ATG5: variants seen among roughly 807,000 people sequenced by gnomAD.
The protein encoded by ATG5 is autophagy related 5.
A neutral mutation model predicts 36.5 loss-of-function variants in ATG5; 14 were observed. The ratio of observed to expected loss-of-function variants is 0.38; its 90% confidence interval spans 0.25 to 0.60. The LOEUF (loss-of-function observed/expected upper bound fraction) is 0.60. ATG5 is among the 20% of genes least tolerant of loss of function. The pLI, the probability that ATG5 is intolerant of heterozygous loss-of-function variation, is 0.60. For synonymous variants in ATG5, 95 were observed against 101.5 expected (o/e 0.94, Z 0.38); for missense variants, 195 against 326.7 (o/e 0.60, Z 3.11).
At chr6:106,312,720 C>G (rs1050932392) in intron 2 of ATG5, among the ~76,000 whole-genome samples, 5 of 151,704 alleles carry the variant, frequency 3.3e-5, no homozygotes, top group African/African-American at 1.2e-4. Context: ...GCTAACAGGA[C>G]AATGCCACAA....
intron 3 of ATG5, among the ~76,000 whole-genome samples, chr6:106,301,357 T>G (rs921745153): frequency 3.3e-5 from 5 of 152,038 alleles, no homozygotes; most frequent in African/African-American, 7.2e-5. Context: ...TAATTCTAAT[T>G]TGGACAAATT....
rs1417221320 is a variant in ATG5 at position 106,308,549 on chromosome 6, C to T, written c.109-58G>A. On this transcript the variant is annotated intron_variant, in intron 2 of 7. Transcript: ENST00000369076. ...TACTAGTTATTATTTTTAAAAAATA[C>T]TAAGTAGGTTTTTGAATTTTAAGGA... is the stretch of plus-strand genomic sequence containing the variant. 17 of 1,310,644 alleles carry T rather than the reference C, an allele frequency of 1.3e-5. 1 individual carries two copies. Among genetic ancestry groups the T allele is most frequent in the Non-Finnish European group, 1.6e-5 (16 of 990,714 alleles). The allele number at this position is 1,310,644 out of a possible 1,614,324, so 81.2% of individuals were successfully genotyped here.
chr6:106,192,499 C>A (rs1247357725), intron 7 of ATG5, among the ~76,000 whole-genome samples: 1 of 152,082 alleles, frequency 6.6e-6, no homozygotes, highest in Admixed American at 6.5e-5. Flanking sequence ...TTCCTTCTTA[C>A]TATTAATATT....
intron 3 of ATG5, among the ~76,000 whole-genome samples, chr6:106,307,351 C>A (rs1028568853): frequency 2.0e-5 from 3 of 152,062 alleles, no homozygotes; most frequent in African/African-American, 7.2e-5. Flanking sequence ...CAAATGATAG[C>A]ATTTCAACAT....
chr6:106,226,926 A>G (rs1777473453), intron 6 of ATG5, among the ~76,000 whole-genome samples: 1 of 151,994 alleles, frequency 6.6e-6, no homozygotes, highest in Admixed American at 6.6e-5. Flanking sequence ...GAGAGGGAAG[A>G]AGGAAGGAAG....
chr6:106,219,609 T>C (rs905514235), intron 6 of ATG5, among the ~76,000 whole-genome samples: 17 of 152,164 alleles, frequency 1.1e-4, no homozygotes, highest in African/African-American at 3.9e-4. Flanking sequence ...AGGGTATGCA[T>C]AGGTTATATG....
chr6:106,289,179 T>G (rs923221671), intron 4 of ATG5, among the ~76,000 whole-genome samples: 3 of 152,216 alleles, frequency 2.0e-5, no homozygotes, highest in African/African-American at 7.2e-5. Flanking sequence ...TAAACTATTT[T>G]CTACAAACTT....
chr6:106,313,216 A>G (rs1418426437), intron 2 of ATG5, among the ~76,000 whole-genome samples: 1 of 152,128 alleles, frequency 6.6e-6, no homozygotes, highest in Admixed American at 6.5e-5. Flanking sequence ...TGTGGGATGC[A>G]GATAGGTTTT....
chr6:106,260,499 G>A lies in ATG5; in HGVS notation c.479-12255C>T, dbSNP rs561395855. On this transcript the variant is annotated intron_variant, in intron 5 of 7. Transcript: ENST00000369076. ...GAAGAAATGCTTCTTAAGTAGAAAA[G>A]CACTTTGAAGACGATAATCAGGACT... 7.9e-5 allele frequency among the ~76,000 whole-genome samples: 12 copies of A among 152,292 alleles called. No homozygotes were observed. The East Asian group carries it at 2.3e-3, about 29-fold the overall frequency.
intron 6 of ATG5, among the ~76,000 whole-genome samples, chr6:106,233,776 C>A (rs1278945054): frequency 6.6e-6 from 1 of 152,116 alleles, no homozygotes; most frequent in Non-Finnish European, 1.5e-5. Context: ...CCATGGCCCT[C>A]CCTTATCATA....
intron 7 of ATG5, among the ~76,000 whole-genome samples, chr6:106,190,910 T>A (rs1294627730): frequency 6.6e-6 from 1 of 151,976 alleles, no homozygotes; most frequent in Non-Finnish European, 1.5e-5. Flanking sequence ...AAATGAGACA[T>A]AAAGGAGAGA....
chr6:106,200,439 A>T (rs540038720), intron 7 of ATG5, among the ~76,000 whole-genome samples: 666 of 152,084 alleles, frequency 4.4e-3, no homozygotes, highest in African/African-American at 6.7e-3. Context: ...AAAGTTTTTT[A>T]AAAAAAATTT....
At chr6:106,300,549 T>C (rs992236924) in intron 3 of ATG5, among the ~76,000 whole-genome samples, 2 of 152,110 alleles carry the variant, frequency 1.3e-5, no homozygotes, top group Non-Finnish European at 2.9e-5. Flanking sequence ...TGTTAAGCAA[T>C]TTCATTCGCT....
intron 6 of ATG5, among the ~76,000 whole-genome samples, chr6:106,208,107 A>G (rs1776707795): frequency 6.6e-6 from 1 of 152,162 alleles, no homozygotes; most frequent in African/African-American, 2.4e-5. Context: ...AGAGTATTAG[A>G]TTCAAGTCCT....
intron 6 of ATG5, among the ~76,000 whole-genome samples, chr6:106,219,468 T>C (rs1582565243): frequency 6.6e-6 from 1 of 152,308 alleles, no homozygotes; most frequent in East Asian, 1.9e-4. Flanking sequence ...TCGAAAATGT[T>C]TTTGTACCAA....
chr6:106,238,730 T>TGG (rs1290122524), intron 6 of ATG5, among the ~76,000 whole-genome samples: 1 of 152,190 alleles, frequency 6.6e-6, no homozygotes, highest in Non-Finnish European at 1.5e-5. Flanking sequence ...CCTTTGATAC[T>TGG]GAGAAAATAT....
At chr6:106,295,827 G>A (rs1386949068) in intron 3 of ATG5, among the ~76,000 whole-genome samples, 2 of 152,098 alleles carry the variant, frequency 1.3e-5, no homozygotes, top group Non-Finnish European at 2.9e-5. Flanking sequence ...GCCACCCAAA[G>A]TAATGAGATT....
intron 1 of ATG5, among the ~76,000 whole-genome samples, chr6:106,322,821 G>C (rs1234141450): frequency 6.6e-6 from 1 of 152,172 alleles, no homozygotes; most frequent in Non-Finnish European, 1.5e-5. Context: ...GAACTGGCTG[G>C]CTTCACATAT....
At chr6:106,217,476 C>T (rs1435657165) in intron 6 of ATG5, 2 of 152,224 alleles carry the variant, frequency 1.3e-5, no homozygotes, top group African/African-American at 2.4e-5. Context: ...TGTGGACTCA[C>T]TGCGTCCACT....
Sources: gnomAD v4.1 joint callset for allele counts (sites outside exome capture counted in the v4.1 genomes callset) on GRCh38, gnomAD v4.1.1 for gene constraint, MANE v1.5 for transcripts, NCBI Gene and HGNC (gene_info 2026-07-23, HGNC 2026-07-21) for gene names.